KLF12: variants seen among roughly 807,000 people sequenced by gnomAD.
KLF12 encodes KLF transcription factor 12, also known as Krueppel-like factor 12.
Under a neutral mutation model 37.8 loss-of-function variants are expected in KLF12, and 9 were observed. That is an observed-to-expected ratio of 0.24 (90% CI 0.14 to 0.42). The LOEUF (loss-of-function observed/expected upper bound fraction) is 0.42. KLF12 is among the 10% of genes least tolerant of loss of function. The pLI is 1.00. For missense variants in KLF12, 411 were observed against 516.0 expected (o/e 0.80, Z 1.97); for synonymous variants, 208 against 202.1 (o/e 1.03, Z -0.25).
chr13:74,207,483 G>A, the KLF12 span, among the ~76,000 whole-genome samples: 1 of 152,074 alleles, frequency 6.6e-6, no homozygotes, highest in Non-Finnish European at 1.5e-5. Context: ...AGATCAGCCT[G>A]GTCAAGATGG....
intron 1 of KLF12, among the ~76,000 whole-genome samples, chr13:74,099,599 A>G (rs1357765615): frequency 1.3e-5 from 2 of 152,220 alleles, no homozygotes; most frequent in African/African-American, 2.4e-5. Context: ...CAATTAATTC[A>G]TGCAGTAAAT....
At chr13:73,850,918 A>T (rs1268315466) in intron 3 of KLF12, among the ~76,000 whole-genome samples, 1 of 152,250 alleles carries the variant, frequency 6.6e-6, no homozygotes, top group Non-Finnish European at 1.5e-5. Flanking sequence ...TTTGTTTTGT[A>T]TCCTGTTGTG....
chr13:74,080,232 T>C (rs959575099), intron 1 of KLF12, among the ~76,000 whole-genome samples: 6 of 151,646 alleles, frequency 4.0e-5, no homozygotes, highest in African/African-American at 1.5e-4. Flanking sequence ...GGCCTAGGAG[T>C]TCAAGACCAG....
intron 1 of KLF12, among the ~76,000 whole-genome samples, chr13:74,019,635 T>C (rs1281836801): frequency 2.6e-5 from 4 of 152,224 alleles, no homozygotes; most frequent in African/African-American, 9.6e-5. Flanking sequence ...TAGATTAAAA[T>C]ACAATTTCTC....
At chr13:73,849,894 G>C (rs564217678) in intron 3 of KLF12, among the ~76,000 whole-genome samples, 1 of 152,154 alleles carries the variant, frequency 6.6e-6, no homozygotes, top group Non-Finnish European at 1.5e-5. Context: ...TGGTATGAAA[G>C]ATAGAAGACT....
At chr13:73,836,637 A>T (rs185635213) in intron 4 of KLF12, among the ~76,000 whole-genome samples, 2 of 152,204 alleles carry the variant, frequency 1.3e-5, no homozygotes, top group East Asian at 1.9e-4. Flanking sequence ...CTTGTACTAT[A>T]TGAAATCAGA....
At chr13:74,159,478 C>T in the KLF12 span, among the ~76,000 whole-genome samples, 1 of 152,086 alleles carries the variant, frequency 6.6e-6, no homozygotes, top group Non-Finnish European at 1.5e-5. Context: ...CAATTTTAGT[C>T]ACAGAAAATG....
intron 3 of KLF12, among the ~76,000 whole-genome samples, chr13:73,899,204 T>G (rs1358332792): frequency 6.6e-6 from 1 of 151,794 alleles, no homozygotes; most frequent in African/African-American, 2.4e-5. Context: ...TCTAAGAAGG[T>G]GGAATAAAAG....
At chr13:73,988,880 T>C (rs184891759) in intron 2 of KLF12, among the ~76,000 whole-genome samples, 7 of 152,356 alleles carry the variant, frequency 4.6e-5, no homozygotes, top group Admixed American at 3.9e-4. Context: ...GCAAATGCTT[T>C]AGAATTTTTT....
At chr13:74,104,697 T>C (rs1876555251) in intron 1 of KLF12, among the ~76,000 whole-genome samples, 5 of 152,214 alleles carry the variant, frequency 3.3e-5, no homozygotes, top group Admixed American at 3.3e-4. Flanking sequence ...TAAATATACA[T>C]ATAGTGCTCC....
rs541117111 is a variant in KLF12, at chr13:74,059,157, T to C, written c.-31-64104A>G. Among the ~76,000 whole-genome samples the C allele has an allele frequency of 9.2e-5, 14 of 152,376 alleles. No homozygotes were observed. The East Asian group carries it at 1.9e-3, about 21-fold the overall frequency. On this transcript the variant is annotated intron_variant, in intron 1 of 7. Coordinates refer to ENST00000377669, the MANE Select transcript of KLF12 (RefSeq NM_007249.5). ...TGGCTGCATAGTATTTCAGTGTGTA[T>C]ACACCACATTCTCTTTATCCAGACA...
chr13:74,075,639 T>C (rs1874520479), intron 1 of KLF12, among the ~76,000 whole-genome samples: 1 of 152,324 alleles, frequency 6.6e-6, no homozygotes, highest in Admixed American at 6.5e-5. Context: ...AGCAAAAACA[T>C]AAATCTACAT....
chr13:73,952,892 C>T (rs1378250061), intron 2 of KLF12, among the ~76,000 whole-genome samples: 8 of 152,070 alleles, frequency 5.3e-5, no homozygotes, highest in Non-Finnish European at 1.2e-4. Context: ...CACAACAGGA[C>T]ATGGGAAGAG....
intron 2 of KLF12, among the ~76,000 whole-genome samples, chr13:73,990,076 G>T (rs1176073872): frequency 6.6e-6 from 1 of 152,060 alleles, no homozygotes; most frequent in Non-Finnish European, 1.5e-5. Context: ...TAATTTAACT[G>T]AAAATATAGT....
At chr13:73,880,063 G>A (rs1008429858) in intron 3 of KLF12, among the ~76,000 whole-genome samples, 2 of 152,054 alleles carry the variant, frequency 1.3e-5, no homozygotes, top group African/African-American at 4.8e-5. Flanking sequence ...TCCTCTGCCT[G>A]GATAATCCCA....
chr13:73,980,032 A>C (rs996079288), intron 2 of KLF12, among the ~76,000 whole-genome samples: 4 of 152,200 alleles, frequency 2.6e-5, no homozygotes, highest in African/African-American at 9.7e-5. Context: ...CTGAGACCTT[A>C]TCTTGGACTT....
chr13:74,116,302 T>A (rs895894139), intron 1 of KLF12, among the ~76,000 whole-genome samples: 2 of 152,306 alleles, frequency 1.3e-5, no homozygotes, highest in South Asian at 4.1e-4. Context: ...CAGAGATATA[T>A]TTTCTTCCTC....
At chr13:74,208,309 T>C in the KLF12 span, among the ~76,000 whole-genome samples, 1 of 152,212 alleles carries the variant, frequency 6.6e-6, no homozygotes, top group South Asian at 2.1e-4. Context: ...CCTTGTAACA[T>C]GATCTTATAA....
At chr13:73,958,541 C>A (rs1198549260) in intron 2 of KLF12, among the ~76,000 whole-genome samples, 1 of 152,094 alleles carries the variant, frequency 6.6e-6, no homozygotes, top group African/African-American at 2.4e-5. Flanking sequence ...CTGTGCCCAG[C>A]CAATTTTTTT....
Sources: allele counts gnomAD v4.1 joint callset (sites outside exome capture counted in the v4.1 genomes callset), GRCh38; gene constraint gnomAD v4.1.1; transcripts MANE v1.5; gene names NCBI Gene and HGNC (gene_info 2026-07-23, HGNC 2026-07-21).